The following TLN2 variants were observed in gnomAD, a reference collection of about 807,000 sequenced individuals.
TLN2 encodes the protein talin-2.
A neutral mutation model predicts 294.7 loss-of-function variants in TLN2; 118 were observed. That is an observed-to-expected ratio of 0.40 (90% CI 0.34 to 0.47). The LOEUF is 0.47. Ranked by LOEUF, TLN2 falls within the 20% of genes least tolerant of loss-of-function variation. The pLI, the probability that TLN2 is intolerant of heterozygous loss-of-function variation, is 0.84. For missense variants in TLN2, 3,083 were observed against 3,282.2 expected (o/e 0.94, Z 1.48); for synonymous variants, 1,431 against 1,304.5 (o/e 1.10, Z -2.09).
At chr15:62,781,791 G>A (rs569870201) in intron 44 of TLN2, among the ~76,000 whole-genome samples, 1 of 152,252 alleles carries the variant, frequency 6.6e-6, no homozygotes, top group Admixed American at 6.5e-5. Context: ...TACAACTTTT[G>A]GAGGTAATGT....
intron 1 of TLN2, among the ~76,000 whole-genome samples, chr15:62,441,702 C>G (rs575123132): frequency 6.6e-6 from 1 of 152,338 alleles, no homozygotes; most frequent in African/African-American, 2.4e-5. Context: ...AGATTGCCCA[C>G]TTCAGATGCC....
chr15:62,625,093 G>A (rs1020118703), intron 3 of TLN2, among the ~76,000 whole-genome samples: 4 of 152,200 alleles, frequency 2.6e-5, no homozygotes, highest in African/African-American at 4.8e-5. Context: ...CAAGGCTGAT[G>A]TGAGCGTATT....
At chr15:62,686,568 A>G in intron 11 of TLN2, 73 bp from the exon 12 acceptor site, 1 of 1,519,752 alleles carries the variant, frequency 6.6e-7, no homozygotes. Context: ...AAAGGTCAAA[A>G]AATCACTGAT....
At chr15:62,775,503 G>GTT (rs2063656825) in intron 42 of TLN2, among the ~76,000 whole-genome samples, 1 of 152,130 alleles carries the variant, frequency 6.6e-6, no homozygotes, top group Non-Finnish European at 1.5e-5. Flanking sequence ...TTGCCTCAAG[G>GTT]ATAACCATCC....
At chr15:62,656,665 C>T (rs2053247246) in intron 8 of TLN2, among the ~76,000 whole-genome samples, 1 of 152,208 alleles carries the variant, frequency 6.6e-6, no homozygotes, top group Non-Finnish European at 1.5e-5. Flanking sequence ...TCCTTTCTTC[C>T]TTTCCTTCCC....
rs1246856883 is a variant in TLN2, at chr15:62,675,413, C to G, written c.957+92C>G. The G allele has an allele frequency of 4.6e-6, 6 of 1,305,758 alleles. No individual in the cohort carries two copies. The Admixed American group carries it at 1.2e-4, about 25-fold the overall frequency. The allele number at this position is 1,305,758 out of a possible 1,614,324, so 80.9% of individuals were successfully genotyped here. A position where few individuals can be genotyped will look rare whatever the true frequency, so the allele number is the denominator to read the frequency against. Reference sequence around the variant, plus strand: ...GCTGTTAAGCCTGGTTTGTCCTGCTCACCCCCCTAGCATTTGCGGGTGGAA... The same window carrying G: ...GCTGTTAAGCCTGGTTTGTCCTGCTGACCCCCCTAGCATTTGCGGGTGGAA... On this transcript the variant is annotated intron_variant, in intron 11 of 58. Coordinates refer to ENST00000636159, the MANE Select transcript of TLN2 (RefSeq NM_015059.3).
At chr15:62,427,573 G>A (rs891215206) in intron 1 of TLN2, among the ~76,000 whole-genome samples, 25 of 152,088 alleles carry the variant, frequency 1.6e-4, no homozygotes, top group African/African-American at 6.0e-4. Flanking sequence ...GGGCTGGGGG[G>A]TGGATGAGAC....
In TLN2 at chr15:62,716,381, A is replaced by G; in HGVS notation, c.2685A>G (p.Glu895=). The change falls in exon 23 of 59, where the codon GAA becomes GAG. Residue 895 remains glutamate (E), a synonymous_variant. Transcript: ENST00000636159. The part of the protein sequence containing the change: ...ENEDQQQRLR[E]AAEGLRVATN... ...AGGACCAGCAGCAAAGGCTGAGAGA[A>G]GCTGCAGAAGGCCTCCGGGTAGCAA... is the stretch of plus-strand genomic sequence containing the variant. 6.2e-7 allele frequency: 1 copy of G among 1,611,118 alleles called. No homozygotes were observed.
chr15:62,399,284 A>AAAAAAAAAAAAAAAAAAAT (rs1475579160), intron 1 of TLN2, among the ~76,000 whole-genome samples: 1 of 150,882 alleles, frequency 6.6e-6, no homozygotes, highest in Non-Finnish European at 1.5e-5. Flanking sequence ...AAAAAAAAAA[A>AAAAAAAAAAAAAAAAAAAT]AGTAAGAAAT....
rs539998646 is a variant in TLN2 at position 62,396,430 on chromosome 15, T to C, written c.-238+5745T>C. ...GCCTCTCATTGTAATCTCTTATCTC[T>C]TTGGAAATTTTCAATTAATTATTTT... is the stretch of plus-strand genomic sequence containing the variant. On this transcript the variant is annotated intron_variant, in intron 1 of 58. Transcript: ENST00000636159. Among the ~76,000 whole-genome samples, 146 of 152,326 alleles carry C rather than the reference T, an allele frequency of 9.6e-4. 3 individuals are homozygous for C. The highest frequency in any genetic ancestry group is 3.2e-3 in the African/African-American group (133 of 41,570).
At chr15:62,576,334 T>C (rs966768798) in intron 1 of TLN2, among the ~76,000 whole-genome samples, 1 of 152,016 alleles carries the variant, frequency 6.6e-6, no homozygotes, top group Non-Finnish European at 1.5e-5. Context: ...GGAGATGATA[T>C]GTAACATGTT....
intron 1 of TLN2, among the ~76,000 whole-genome samples, chr15:62,582,693 C>T (rs974582407): frequency 2.6e-5 from 4 of 152,072 alleles, no homozygotes; most frequent in Non-Finnish European, 4.4e-5. Context: ...TCCCAGGGCA[C>T]GCCAGGCAGG....
chr15:62,650,552 A>T (rs2052475371), intron 5 of TLN2, among the ~76,000 whole-genome samples: 1 of 152,232 alleles, frequency 6.6e-6, no homozygotes, highest in Admixed American at 6.5e-5. Flanking sequence ...TGGTAGTTAG[A>T]GACTGAATAT....
chr15:62,455,018 A>G lies in TLN2; in HGVS notation c.-238+64333A>G, dbSNP rs372001066. 2.0e-4 allele frequency among the ~76,000 whole-genome samples: 31 copies of G among 152,298 alleles called. No homozygotes were observed. In the East Asian group the frequency reaches 3.5e-3, roughly 17 times the overall value. On this transcript the variant is annotated intron_variant, in intron 1 of 58. Transcript: ENST00000636159. ...GAATCAAACTTGTGAAATACTGAACACTGGGGTTTTGTGGTGGGCAGTTAT... is the reference window on the plus strand; with the variant it reads ...GAATCAAACTTGTGAAATACTGAACGCTGGGGTTTTGTGGTGGGCAGTTAT...
chr15:62,839,832 T>G (rs2070392496), intron 58 of TLN2, among the ~76,000 whole-genome samples: 1 of 152,242 alleles, frequency 6.6e-6, no homozygotes. Flanking sequence ...CAAATAACAC[T>G]GGAGAATACT....
chr15:62,542,545 G>T (rs1055330202), intron 1 of TLN2, among the ~76,000 whole-genome samples: 1 of 152,186 alleles, frequency 6.6e-6, no homozygotes, highest in Admixed American at 6.5e-5. Flanking sequence ...TGCAGATAAC[G>T]GGAAAATACT....
rs1400893646 is a variant in TLN2, at chr15:62,522,970, ACACACACACT to A, written c.-237-66715_-237-66706del. Among the ~76,000 whole-genome samples the A allele has an allele frequency of 1.6e-3, 230 of 142,310 alleles. 2 individuals carry two copies. Among genetic ancestry groups the A allele is most frequent in the African/African-American group, 5.7e-3 (198 of 34,702 alleles). 93.4% of individuals were successfully genotyped at this position (142,310 alleles called of 152,430 possible). ...CACACACACACACACACACACACAC[ACACACACACT>A]CTCTCACTCACACTCATTCACTTCC... On this transcript the variant is annotated intron_variant, in intron 1 of 58. Coordinates refer to ENST00000636159, the MANE Select transcript of TLN2 (RefSeq NM_015059.3).
chr15:62,616,963 G>A (rs1420319745), intron 2 of TLN2, among the ~76,000 whole-genome samples: 1 of 152,106 alleles, frequency 6.6e-6, no homozygotes, highest in East Asian at 1.9e-4. Context: ...ATGACAGAGT[G>A]GAAGGTGGTG....
chr15:62,796,206 G>A lies in TLN2; in HGVS notation c.5963G>A (p.Gly1988Glu), dbSNP rs766866644. 34 of 1,614,112 alleles carry A rather than the reference G, an allele frequency of 2.1e-5. No individual in the cohort carries two copies. Among genetic ancestry groups the A allele is most frequent in the Non-Finnish European group, 2.7e-5 (32 of 1,180,056 alleles). ...ATTACAGCCGCCACCGCTGTGTCTG[G>A]GATCATTGCCGACCTGGACACCACC... is the stretch of plus-strand genomic sequence containing the variant. ...ACITAATAVS[G>E]IIADLDTTIM... is the part of the protein sequence containing the mutation. Residue 1988 changes from glycine to glutamate, a missense_variant, in exon 47 of 59, where the codon GGG becomes GAG. Gly to Glu is a moderately conservative substitution (Grantham distance 98, BLOSUM62 -2). Coordinates refer to ENST00000636159, the MANE Select transcript of TLN2 (RefSeq NM_015059.3).
Sources: gnomAD v4.1 joint callset for allele counts (sites outside exome capture counted in the v4.1 genomes callset) on GRCh38, gnomAD v4.1.1 for gene constraint, MANE v1.5 for transcripts, NCBI Gene and HGNC (gene_info 2026-07-23, HGNC 2026-07-21) for gene names.